Variants in ERGIC2 observed in about 807,000 individuals in gnomAD.
ERGIC2 encodes ERGIC and golgi 2.
Under a neutral mutation model 52.5 loss-of-function variants are expected in ERGIC2, and 31 were observed. That is an observed-to-expected ratio of 0.59 (90% CI 0.44 to 0.80). The LOEUF (loss-of-function observed/expected upper bound fraction) is 0.80. Among genes scored for constraint, ERGIC2 ranks in the 30% least tolerant of loss-of-function variants. The pLI is 0.00. For synonymous variants in ERGIC2, 129 were observed against 140.6 expected (o/e 0.92, Z 0.58); for missense variants, 395 against 455.2 (o/e 0.87, Z 1.20).
At chr12:29,372,604 T>C (rs1036943070) in intron 1 of ERGIC2, 5 of 152,192 alleles carry the variant, frequency 3.3e-5, no homozygotes, top group African/African-American at 9.6e-5. Context: ...AAATCCATTG[T>C]ATCCAATGTA....
At position 29,350,034 on chromosome 12, in the gene ERGIC2, C is replaced by T; in HGVS notation, c.607G>A (p.Ala203Thr). ...IPHPRGHAHL[A>T]ALVNHESYNF... is the part of the protein sequence containing the mutation. ...TTACATTCATGGTTGACAAGTGCTG[C>T]CAAATGTGCATGACCACGAGGATGT... The change falls in exon 9 of 14, where the codon GCA becomes ACA. Residue 203 changes from alanine to threonine, a missense_variant. Ala to Thr is a moderately conservative substitution (Grantham distance 58). Coordinates refer to ENST00000360150, the MANE Select transcript of ERGIC2 (RefSeq NM_016570.3). 1 of 1,607,250 alleles carries T rather than the reference C, an allele frequency of 6.2e-7. No homozygotes were observed. The highest frequency in any genetic ancestry group is 8.5e-7 in the Non-Finnish European group (1 of 1,174,878).
At chr12:29,360,380 T>A (rs547696049) in intron 6 of ERGIC2, among the ~76,000 whole-genome samples, 114 of 151,174 alleles carry the variant, frequency 7.5e-4, no homozygotes, top group Middle Eastern at 6.9e-3. Context: ...AATAGACCAT[T>A]ATATATATAG....
intron 5 of ERGIC2, among the ~76,000 whole-genome samples, chr12:29,362,285 C>A (rs1940297710): frequency 6.6e-6 from 1 of 152,038 alleles, no homozygotes; most frequent in Non-Finnish European, 1.5e-5. Flanking sequence ...CAACAATAAT[C>A]CACTTTTCGG....
intron 13 of ERGIC2, among the ~76,000 whole-genome samples, 200 bp from the exon 14 acceptor site, chr12:29,341,418 G>A (rs1291106029): frequency 9.0e-4 from 1 of 1,106 alleles, no homozygotes; most frequent in Non-Finnish European, 1.7e-3. Context: ...CCAGGCTGGA[G>A]TGCAGTGGTA....
intron 8 of ERGIC2, among the ~76,000 whole-genome samples, chr12:29,353,420 T>C (rs1940160087): frequency 6.6e-6 from 1 of 152,202 alleles, no homozygotes; most frequent in South Asian, 2.1e-4. Flanking sequence ...TACTACACGT[T>C]GAATATCCCT....
chr12:29,379,152 A>G (rs1309641455), intron 1 of ERGIC2, among the ~76,000 whole-genome samples: 1 of 152,184 alleles, frequency 6.6e-6, no homozygotes, highest in African/African-American at 2.4e-5. Flanking sequence ...GGACAAGTAT[A>G]ATCCTCCTCA....
intron 12 of ERGIC2, among the ~76,000 whole-genome samples, chr12:29,342,022 CTT>C (rs547754640): frequency 2.0e-5 from 3 of 147,666 alleles, no homozygotes; most frequent in Non-Finnish European, 4.5e-5. Context: ...TCAGCACAAT[CTT>C]TTTTTTTTTG....
At chr12:29,356,302 C>T (rs1940203579) in intron 8 of ERGIC2, 80 bp downstream of exon 8, 2 of 823,972 alleles carry the variant, frequency 2.4e-6, no homozygotes, top group South Asian at 1.5e-5. Flanking sequence ...GGATTACAGG[C>T]GCGAGCCATC....
chr12:29,358,590 G>T (rs1049370789), intron 6 of ERGIC2, among the ~76,000 whole-genome samples: 3 of 152,126 alleles, frequency 2.0e-5, no homozygotes, highest in Non-Finnish European at 2.9e-5. Context: ...CCAATCTGAT[G>T]CAAGTTGTTG....
chr12:29,369,776 A>T (rs1940413362), intron 3 of ERGIC2, among the ~76,000 whole-genome samples: 1 of 152,028 alleles, frequency 6.6e-6, no homozygotes, highest in African/African-American at 2.4e-5. Context: ...TCCTTAGACA[A>T]CTTATTTTCC....
chr12:29,356,489 AGATAT>A lies in ERGIC2; in HGVS notation c.477-17_477-13del, dbSNP rs1441430067. The A allele has an allele frequency of 6.9e-7, 1 of 1,452,620 alleles. No homozygotes were observed. 90.0% of individuals were successfully genotyped at this position (1,452,620 alleles called of 1,614,324 possible). On this transcript the variant is annotated splice_polypyrimidine_tract_variant and intron_variant, in intron 7 of 13. Transcript: ENST00000360150. ...ATGAATCATCTTCTCTGTTAAAATA[AGATAT>A]ATTATTTAAAGCACATTCAATACAG...
intron 10 of ERGIC2, among the ~76,000 whole-genome samples, chr12:29,346,249 C>A (rs1286001374): frequency 6.6e-6 from 1 of 150,462 alleles, no homozygotes; most frequent in Admixed American, 6.6e-5. Context: ...AGTGCAGTGG[C>A]GCAATCACGG....
intron 12 of ERGIC2, 82 bp from the exon 13 acceptor site, chr12:29,341,898 C>T (rs576252083): frequency 3.5e-5 from 23 of 652,872 alleles, no homozygotes; most frequent in Non-Finnish European, 5.4e-5. Context: ...GAATAGATTA[C>T]GGAAGAAAAC....
chr12:29,356,212 G>A (rs2136862888), intron 8 of ERGIC2, among the ~76,000 whole-genome samples, 170 bp downstream of exon 8: 1 of 152,138 alleles, frequency 6.6e-6, no homozygotes. Flanking sequence ...TAGTAGAGAT[G>A]AGGTTTCAAC....
At chr12:29,372,991 T>G (rs1940464849) in intron 1 of ERGIC2, 1 of 151,426 alleles carries the variant, frequency 6.6e-6, no homozygotes, top group African/African-American at 2.4e-5. Context: ...AAAAAAAAAT[T>G]AATGACATAA....
At chr12:29,378,559 A>G (rs1382656810) in intron 1 of ERGIC2, among the ~76,000 whole-genome samples, 1 of 152,036 alleles carries the variant, frequency 6.6e-6, no homozygotes, top group African/African-American at 2.4e-5. Flanking sequence ...AACATTTTAT[A>G]AGATAGCTTA....
chr12:29,368,308 CA>C (rs1346493937), intron 3 of ERGIC2, 21 bp from the exon 4 acceptor site: 1 of 1,248,900 alleles, frequency 8.0e-7, no homozygotes, highest in Non-Finnish European at 1.2e-6. Context: ...AAATATTAAA[CA>C]TTAGTACCTA....
Position 29,340,803 on chromosome 12 carries a change from C to A in ERGIC2, c.*353G>T. The A allele has an allele frequency of 2.3e-6, 1 of 427,354 alleles. No individual in the cohort carries two copies. The highest frequency in any genetic ancestry group is 4.5e-6 in the Non-Finnish European group (1 of 221,948). 26.5% of individuals were successfully genotyped at this position (427,354 alleles called of 1,614,324 possible). On this transcript the variant is annotated 3_prime_UTR_variant, in exon 14 of 14. Coordinates refer to ENST00000360150, the MANE Select transcript of ERGIC2 (RefSeq NM_016570.3). ...CACTTCTCAATGTTTTTTTTTTTCC[C>A]ATAGATGTAGTTTCACTTATTTCCT...
In ERGIC2 at chr12:29,366,903, A is replaced by T; in HGVS notation, c.307T>A (p.Ser103Thr). The T allele has an allele frequency of 6.2e-7, 1 of 1,604,646 alleles. No individual in the cohort carries two copies. The highest frequency in any genetic ancestry group is 8.5e-7 in the Non-Finnish European group (1 of 1,174,864). ...VLDLAETMVA[S>T]ADGLVYEPTV... ...GGTTCATAAACTAAACCATCTGCAG[A>T]TGCAACCATTGTTTCTGCTAAATCC... is the stretch of plus-strand genomic sequence containing the variant. The change falls in exon 5 of 14, where the codon TCT becomes ACT. Residue 103 changes from serine to threonine, a missense_variant. Physicochemically the swap from Ser to Thr is moderately conservative, Grantham distance 58 (BLOSUM62 1). Transcript: ENST00000360150.
Sources: gnomAD v4.1 joint callset for allele counts (sites outside exome capture counted in the v4.1 genomes callset) on GRCh38, gnomAD v4.1.1 for gene constraint, MANE v1.5 for transcripts, NCBI Gene and HGNC (gene_info 2026-07-23, HGNC 2026-07-21) for gene names.